Variants in SLC12A7 observed in about 807,000 individuals in gnomAD.
SLC12A7 encodes the protein K-Cl cotransporter 4.
In SLC12A7, 100 loss-of-function variants were observed where a neutral mutation model predicts 120.6. The ratio of observed to expected loss-of-function variants is 0.83; its 90% confidence interval spans 0.71 to 0.98. The LOEUF (loss-of-function observed/expected upper bound fraction) is 0.98, where lower values mean the gene tolerates loss of function less well. SLC12A7 is among the 50% of genes least tolerant of loss of function. The pLI, the probability that SLC12A7 is intolerant of heterozygous loss-of-function variation, is 0.00. For synonymous variants in SLC12A7, 760 were observed against 678.0 expected (o/e 1.12, Z -1.88); for missense variants, 1,373 against 1,548.1 (o/e 0.89, Z 1.90).
intron 17 of SLC12A7, among the ~76,000 whole-genome samples, chr5:1,066,143 C>T (rs1222464639): frequency 6.6e-6 from 1 of 152,180 alleles, no homozygotes; most frequent in Non-Finnish European, 1.5e-5. Flanking sequence ...CCCTGGAACC[C>T]CAGGGCCTGC....
At chr5:1,078,041 T>A (rs1440368716) in intron 11 of SLC12A7, 34 bp from the exon 12 acceptor site, 1 of 1,533,120 alleles carries the variant, frequency 6.5e-7, no homozygotes. Flanking sequence ...CGGGCGGCTT[T>A]CAGAAGTGAG....
At chr5:1,091,947 G>A (rs996647904) in intron 3 of SLC12A7, among the ~76,000 whole-genome samples, 8 of 152,090 alleles carry the variant, frequency 5.3e-5, no homozygotes, top group African/African-American at 1.4e-4. Context: ...CAAGCTCCCC[G>A]AGCCGGGAAG....
chr5:1,147,066 C>T, the SLC12A7 span, among the ~76,000 whole-genome samples: 1 of 152,202 alleles, frequency 6.6e-6, no homozygotes, highest in South Asian at 2.1e-4. Flanking sequence ...CCTCAGCCTC[C>T]ATCCATGTGG....
chr5:1,105,886 C>CCCACTGGGCT (rs1476257770), intron 1 of SLC12A7, among the ~76,000 whole-genome samples: 1 of 152,204 alleles, frequency 6.6e-6, no homozygotes, highest in Non-Finnish European at 1.5e-5. Flanking sequence ...CACGCCCAGC[C>CCCACTGGGCT]CCACTGGGCT....
chr5:1,142,022 G>A, the SLC12A7 span, among the ~76,000 whole-genome samples: 17 of 152,032 alleles, frequency 1.1e-4, no homozygotes, highest in African/African-American at 3.1e-4. Context: ...AGGACTTCCC[G>A]GGGCTTCCTG....
the SLC12A7 span, among the ~76,000 whole-genome samples, chr5:1,122,323 G>A: frequency 6.6e-6 from 1 of 152,164 alleles, no homozygotes; most frequent in Non-Finnish European, 1.5e-5. Flanking sequence ...AATCCGGGCA[G>A]TGGGGGGATG....
At chr5:1,111,386 G>A (rs1742990878) in intron 1 of SLC12A7, among the ~76,000 whole-genome samples, 2 of 152,318 alleles carry the variant, frequency 1.3e-5, no homozygotes, top group South Asian at 2.1e-4. Flanking sequence ...TCTGGGGGGT[G>A]GGCGGCTCCT....
chr5:1,098,934 G>A (rs918086273), intron 1 of SLC12A7, among the ~76,000 whole-genome samples: 9 of 152,064 alleles, frequency 5.9e-5, no homozygotes, highest in Non-Finnish European at 1.3e-4. Context: ...CACTCGCCTG[G>A]GATAGCACCT....
chr5:1,093,745 C>A (rs6883411), intron 2 of SLC12A7, 90 bp from the exon 3 acceptor site: 4 of 1,560,704 alleles, frequency 2.6e-6, no homozygotes, highest in Non-Finnish European at 3.5e-6. Context: ...GGAGCTCAGG[C>A]CCTCCCCGGG....
At chr5:1,085,687 C>CAGCGCACAGGCGAGGGACGGAGCCCGT (rs1561080029) in intron 6 of SLC12A7, among the ~76,000 whole-genome samples, 4 of 146,770 alleles carry the variant, frequency 2.7e-5, no homozygotes, top group African/African-American at 1.0e-4. Flanking sequence ...ACGGAGCCCG[C>CAGCGCACAGGCGAGGGACGGAGCCCGT]GGGGGTCAGC....
chr5:1,074,931 G>A (rs897949444), intron 15 of SLC12A7, among the ~76,000 whole-genome samples: 18 of 152,156 alleles, frequency 1.2e-4, no homozygotes, highest in African/African-American at 2.7e-4. Context: ...CTCACAGGAC[G>A]GGGGACAGGA....
At chr5:1,060,998 G>A (rs1418485449) in intron 20 of SLC12A7, among the ~76,000 whole-genome samples, 228 of 150,080 alleles carry the variant, frequency 1.5e-3, no homozygotes, top group African/African-American at 5.3e-3. Flanking sequence ...TGCACCTGCC[G>A]TGCAGGATCC....
the SLC12A7 span, among the ~76,000 whole-genome samples, chr5:1,153,753 T>C: frequency 2.6e-5 from 4 of 152,234 alleles, no homozygotes; most frequent in Admixed American, 2.6e-4. Flanking sequence ...AGCTCCTTTG[T>C]TGGCCTCCAC....
the SLC12A7 span, among the ~76,000 whole-genome samples, chr5:1,135,382 C>T: frequency 1.6e-5 from 2 of 128,510 alleles, no homozygotes; most frequent in Non-Finnish European, 3.2e-5. Flanking sequence ...GGACAAATGC[C>T]TCAACACTAG....
At position 1,084,176 on chromosome 5, in the gene SLC12A7, T is replaced by TGGGGACCAGGGACC. The variant is rs1169546478; in HGVS notation, c.918-234_918-221dup. 2.7e-3 allele frequency among the ~76,000 whole-genome samples: 405 copies of TGGGGACCAGGGACC among 151,808 alleles called. 3 individuals carry two copies. Among genetic ancestry groups the TGGGGACCAGGGACC allele is most frequent in the African/African-American group, 9.3e-3 (386 of 41,336 alleles). On this transcript the variant is annotated intron_variant, in intron 7 of 23. Transcript: ENST00000264930. The stretch of plus-strand genomic sequence containing the variant: ...AGGGATCACACTGGGGACCGGGGAC[T>TGGGGACCAGGGACC]GGGGACCAGGGACCGGGGACCAGGC...
the SLC12A7 span, among the ~76,000 whole-genome samples, chr5:1,120,352 C>A: frequency 2.0e-5 from 3 of 152,248 alleles, 1 homozygote; most frequent in African/African-American, 7.2e-5. Flanking sequence ...GGCTTACAGA[C>A]CAGCAAGGAA....
chr5:1,076,656 T>A (rs779584850), intron 13 of SLC12A7, 38 bp downstream of exon 13: 9 of 1,514,978 alleles, frequency 5.9e-6, no homozygotes, highest in Non-Finnish European at 8.2e-6. Flanking sequence ...TCCAGGCCCA[T>A]ACACCCATCC....
upstream of SLC12A7, among the ~76,000 whole-genome samples, chr5:1,115,365 C>T (rs913160062): frequency 8.5e-5 from 13 of 152,228 alleles, no homozygotes; most frequent in African/African-American, 2.7e-4. Context: ...GGAGGCCGCT[C>T]GTGCCCACGG....
rs1579379172 is a variant in SLC12A7 at position 1,081,566 on chromosome 5, A to T, written c.1297+11T>A. ...AGAAAGAGAAGGGGAAGCCTGGAGC[A>T]GCGGGCTCACCGGTCACGGAAGGGA... On this transcript the variant is annotated intron_variant, in intron 9 of 23. Coordinates refer to ENST00000264930, the MANE Select transcript of SLC12A7 (RefSeq NM_006598.3). 6.3e-7 allele frequency: 1 copy of T among 1,595,314 alleles called. No homozygotes were observed. Among genetic ancestry groups the T allele is most frequent in the East Asian group, 2.3e-5 (1 of 44,342 alleles).
Sources: gnomAD v4.1 joint callset for allele counts (sites outside exome capture counted in the v4.1 genomes callset) on GRCh38, gnomAD v4.1.1 for gene constraint, MANE v1.5 for transcripts, NCBI Gene and HGNC (gene_info 2026-07-23, HGNC 2026-07-21) for gene names.